Variants in DNAH8 observed in about 807,000 individuals in gnomAD.
The protein encoded by DNAH8 is dynein axonemal heavy chain 8.
Under a neutral mutation model 562.1 loss-of-function variants are expected in DNAH8, and 382 were observed. The ratio of observed to expected loss-of-function variants is 0.68; its 90% CI spans 0.63 to 0.74. The LOEUF is 0.74. Ranked by LOEUF, DNAH8 falls within the 30% of genes least tolerant of loss-of-function variation. The pLI, the probability that DNAH8 is intolerant of heterozygous loss-of-function variation, is 0.00. For synonymous variants in DNAH8, 1,881 were observed against 1,919.4 expected (o/e 0.98, Z 0.52); for missense variants, 5,203 against 5,620.4 (o/e 0.93, Z 2.37).
chr6:38,978,216 T>C (rs1763800457), intron 85 of DNAH8, among the ~76,000 whole-genome samples: 1 of 152,244 alleles, frequency 6.6e-6, no homozygotes, highest in Non-Finnish European at 1.5e-5. Flanking sequence ...TAAGGGCCTA[T>C]AGTGGCAGTT....
intron 56 of DNAH8, among the ~76,000 whole-genome samples, chr6:38,884,836 A>G (rs961560400): frequency 4.6e-5 from 7 of 152,216 alleles, no homozygotes; most frequent in Non-Finnish European, 8.8e-5. Context: ...GTGGTCATCT[A>G]TCCACCCAGG....
chr6:38,833,210 A>T (rs1465628224), intron 31 of DNAH8, among the ~76,000 whole-genome samples: 1 of 151,788 alleles, frequency 6.6e-6, no homozygotes, highest in Non-Finnish European at 1.5e-5. Context: ...TATTCATAAG[A>T]TGATTTAAGC....
chr6:38,790,928 G>T (rs1453271453), intron 20 of DNAH8, among the ~76,000 whole-genome samples: 1 of 151,946 alleles, frequency 6.6e-6, no homozygotes, highest in Non-Finnish European at 1.5e-5. Flanking sequence ...CATTTAATAT[G>T]TTGAAATGAT....
chr6:38,740,112 G>A (rs375255585), intron 7 of DNAH8, among the ~76,000 whole-genome samples: 9 of 152,032 alleles, frequency 5.9e-5, no homozygotes, highest in African/African-American at 1.9e-4. Flanking sequence ...ATTCTGTAGC[G>A]TTTTACTAAA....
intron 24 of DNAH8, among the ~76,000 whole-genome samples, chr6:38,811,551 G>T (rs1313091436): frequency 6.6e-6 from 1 of 152,096 alleles, no homozygotes; most frequent in East Asian, 1.9e-4. Context: ...TCCAGATATG[G>T]TATTATTTCT....
chr6:38,804,915 T>TA (rs1417380993), intron 22 of DNAH8, among the ~76,000 whole-genome samples: 4 of 1,526 alleles, frequency 2.6e-3, no homozygotes, highest in East Asian at 0.083. Flanking sequence ...GTGTTGGGGG[T>TA]GGCCGGGGGG....
intron 36 of DNAH8, among the ~76,000 whole-genome samples, chr6:38,848,436 T>G (rs1775470200): frequency 6.6e-6 from 1 of 152,144 alleles, no homozygotes; most frequent in Non-Finnish European, 1.5e-5. Context: ...GACTGACACA[T>G]GGGAACAATA....
rs780905715 is a variant in DNAH8, at chr6:39,026,610, G to C, written c.13779G>C (p.Val4593=). ...ACAAAGGCTGGGCACTGGACACTGT[G>C]ACCATCCACAATGAAGTTCTGAGAC... ...RAHKGWALDT[V]TIHNEVLRQT... is the part of the protein sequence containing the mutation. Residue 4593 remains valine, a synonymous_variant, in exon 92 of 93, where the codon GTG becomes GTC. Coordinates refer to ENST00000327475, the MANE Select transcript of DNAH8 (RefSeq NM_001206927.2). 2.5e-6 allele frequency: 4 copies of C among 1,613,624 alleles called. No homozygotes were observed. Among genetic ancestry groups the C allele is most frequent in the Non-Finnish European group, 3.4e-6 (4 of 1,179,930 alleles).
chr6:38,786,893 C>A lies in DNAH8; in HGVS notation c.2524C>A (p.Gln842Lys). 2 of 1,613,058 alleles carry A rather than the reference C, an allele frequency of 1.2e-6. No homozygotes were observed. Among genetic ancestry groups the A allele is most frequent in the Non-Finnish European group, 1.7e-6 (2 of 1,179,508 alleles). The change falls in exon 18 of 93, where the codon CAG becomes AAG. Residue 842 changes from glutamine (Q) to lysine (K), a missense_variant. Gln to Lys is a moderately conservative substitution (Grantham distance 53). Coordinates refer to ENST00000327475, the MANE Select transcript of DNAH8 (RefSeq NM_001206927.2). ...AAAAATGAAGTTGGATGTACCAGAACAGGCAAAGAGATTGCTAAAATTGGA... is the reference window on the plus strand; with the variant it reads ...AAAAATGAAGTTGGATGTACCAGAAAAGGCAAAGAGATTGCTAAAATTGGA... ...MIKMKLDVPE[Q>K]AKRLLKLESK...
chr6:38,803,170 A>T lies in DNAH8; in HGVS notation c.2902-9A>T, dbSNP rs781254209. The T allele has an allele frequency of 6.4e-7, 1 of 1,567,820 alleles. No homozygotes were observed. The highest frequency in any genetic ancestry group is 8.6e-7 in the Non-Finnish European group (1 of 1,158,614). On this transcript the variant is annotated splice_polypyrimidine_tract_variant and intron_variant, in intron 21 of 92. Coordinates refer to ENST00000327475, the MANE Select transcript of DNAH8 (RefSeq NM_001206927.2). Reference sequence around the variant, plus strand: ...TCTGGAAAATAATAGTCATTTCTTTATTTAACAGACATACACAAAAGAATG... The same window carrying T: ...TCTGGAAAATAATAGTCATTTCTTTTTTTAACAGACATACACAAAAGAATG...
chr6:38,899,969 G>GA, intron 62 of DNAH8, 63 bp downstream of exon 62: 1 of 1,337,464 alleles, frequency 7.5e-7, no homozygotes, highest in South Asian at 1.7e-5. Context: ...TAAATGTTTA[G>GA]AAAAAAAGGA....
chr6:38,722,739 T>C, intron 1 of DNAH8, 37 bp from the exon 2 acceptor site: 1 of 1,460,582 alleles, frequency 6.8e-7, no homozygotes, highest in South Asian at 1.5e-5. Context: ...ACACTCAATT[T>C]ACTGTAGTTT....
intron 8 of DNAH8, among the ~76,000 whole-genome samples, chr6:38,745,491 CAG>C (rs1479520564): frequency 5.9e-5 from 9 of 152,164 alleles, no homozygotes; most frequent in African/African-American, 2.2e-4. Flanking sequence ...CAGGATAGTA[CAG>C]AGAGTTCCTG....
rs1360257113 is a variant in DNAH8, at chr6:38,842,592, G to GTTTTA, written c.4605-70_4605-69insTTTAT. On this transcript the variant is annotated intron_variant, in intron 34 of 92. Transcript: ENST00000327475. ...AGCTAATTTATTCCCTAATATAATA[G>GTTTTA]TGTATATACATAAAACCTTCCTCAA... is the stretch of plus-strand genomic sequence containing the variant. 1.9e-6 allele frequency: 3 copies of GTTTTA among 1,583,402 alleles called. No individual in the cohort carries two copies. In the Admixed American group the frequency reaches 5.3e-5, roughly 28 times the overall value.
intron 1 of DNAH8, among the ~76,000 whole-genome samples, chr6:38,715,921 AATAAATATATATATAT>A (rs1562519991): frequency 3.2e-4 from 14 of 43,422 alleles, no homozygotes; most frequent in African/African-American, 1.5e-3. Context: ...TAAATAAATA[AATAAATATATATATAT>A]ATATATATAT....
chr6:38,971,192 A>G lies in DNAH8; in HGVS notation c.12452-400A>G, dbSNP rs116405772. ...TAAATCTTTACAGAAGCGTCTGCTA[A>G]AACGCCGAAAAGGATTCTAACCAAA... On this transcript the variant is annotated intron_variant, in intron 82 of 92. Transcript: ENST00000327475. Among the ~76,000 whole-genome samples, 645 of 152,370 alleles carry G rather than the reference A, an allele frequency of 4.2e-3. 5 individuals are homozygous for G. The highest frequency in any genetic ancestry group is 0.014 in the African/African-American group (596 of 41,586).
rs1228388444 is a variant in DNAH8 at position 38,862,401 on chromosome 6, G to A, written c.6253G>A (p.Val2085Ile). The A allele has an allele frequency of 3.7e-6, 6 of 1,614,010 alleles. No homozygotes were observed. The highest frequency in any genetic ancestry group is 4.2e-6 in the Non-Finnish European group (5 of 1,179,992). ...GGGAAGGTGTTTGGGAAAATATGTGGTCGTGTTCAATTGCTCAGATCAAAT... is the reference window on the plus strand; with the variant it reads ...GGGAAGGTGTTTGGGAAAATATGTGATCGTGTTCAATTGCTCAGATCAAAT... The part of the protein sequence containing the change: ...DMGRCLGKYV[V>I]VFNCSDQMDF... The change falls in exon 44 of 93, where the codon GTC becomes ATC. Residue 2085 changes from valine to isoleucine, a missense_variant. Val to Ile is a conservative substitution (Grantham distance 29). Coordinates refer to ENST00000327475, the MANE Select transcript of DNAH8 (RefSeq NM_001206927.2).
At chr6:39,009,015 A>G (rs752449069) in intron 89 of DNAH8, 45 bp downstream of exon 89, 1 of 1,383,522 alleles carries the variant, frequency 7.2e-7, no homozygotes, top group South Asian at 1.3e-5. Context: ...CTATTTGTAT[A>G]TTTAAACAGT....
At chr6:38,935,011 G>T (rs1019895819) in intron 76 of DNAH8, among the ~76,000 whole-genome samples, 4 of 152,096 alleles carry the variant, frequency 2.6e-5, no homozygotes, top group Non-Finnish European at 5.9e-5. Context: ...ATCATTTTAT[G>T]TAAGAAGAAA....
Sources: gnomAD v4.1 joint callset for allele counts (sites outside exome capture counted in the v4.1 genomes callset) on GRCh38, gnomAD v4.1.1 for gene constraint, MANE v1.5 for transcripts, NCBI Gene and HGNC (gene_info 2026-07-23, HGNC 2026-07-21) for gene names.